The following NKD1 variants were observed in gnomAD, a reference collection of about 807,000 sequenced individuals.
The protein encoded by NKD1 is NKD inhibitor of Wnt signaling pathway 1.
Under a neutral mutation model 56.0 loss-of-function variants are expected in NKD1, and 21 were observed. That is an observed-to-expected ratio of 0.38 (90% CI 0.27 to 0.54). The LOEUF is 0.54. Among genes scored for constraint, NKD1 ranks in the 20% least tolerant of loss-of-function variants. NKD1 has a pLI of 0.82. For missense variants in NKD1, 578 were observed against 642.7 expected (o/e 0.90, Z 1.09); for synonymous variants, 263 against 265.7 (o/e 0.99, Z 0.10).
chr16:50,633,844 T>C lies in NKD1; in HGVS notation c.*63T>C. The C allele has an allele frequency of 2.8e-6, 2 of 708,088 alleles. No homozygotes were observed. The highest frequency in any genetic ancestry group is 4.5e-6 in the Non-Finnish European group (2 of 440,336). 43.9% of individuals were successfully genotyped at this position (708,088 alleles called of 1,614,324 possible). A position where few individuals can be genotyped will look rare whatever the true frequency, so the allele number is the denominator to read the frequency against. The stretch of plus-strand genomic sequence containing the variant: ...CCCCACCCCCGACACCACAAGGCAT[T>C]ATTATTCTATTAATTATTGTTATTA... On this transcript the variant is annotated 3_prime_UTR_variant, in exon 10 of 10. Coordinates refer to ENST00000268459, the MANE Select transcript of NKD1 (RefSeq NM_033119.5). This position sits in a 1 kb window ranked among gnomAD's most constrained non-coding sequence, Gnocchi z 4.9.
At chr16:50,588,888 G>A (rs1394858777) in intron 3 of NKD1, among the ~76,000 whole-genome samples, 1 of 152,114 alleles carries the variant, frequency 6.6e-6, no homozygotes, top group Non-Finnish European at 1.5e-5. Context: ...ACAGGCGTGA[G>A]CCACCATGCC....
rs373996497 is a variant in NKD1, at chr16:50,633,070, G to A, written c.824-122G>A. 1.1e-5 allele frequency: 9 copies of A among 851,826 alleles called. No individual in the cohort carries two copies. The highest frequency in any genetic ancestry group is 6.4e-4 in the Middle Eastern group (2 of 3,110). 52.8% of individuals were successfully genotyped at this position (851,826 alleles called of 1,614,324 possible). A position where few individuals can be genotyped will look rare whatever the true frequency, so the allele number is the denominator to read the frequency against. ...TTTTCCTGCAAGGCAGTGAGGGGCA[G>A]TCAGGGCATTGGGGGGTAGCTCTGG... On this transcript the variant is annotated intron_variant, in intron 9 of 9. Transcript: ENST00000268459. The surrounding 1 kb of genome is among the most constrained non-coding windows in gnomAD (Gnocchi z 4.9).
At chr16:50,604,654 G>A (rs1416623087) in intron 3 of NKD1, among the ~76,000 whole-genome samples, 1 of 152,238 alleles carries the variant, frequency 6.6e-6, no homozygotes, top group Non-Finnish European at 1.5e-5. Flanking sequence ...CCAAGGTGGT[G>A]CAGCATGTGT....
chr16:50,634,343 T>C lies in NKD1; in HGVS notation c.*562T>C, dbSNP rs571608513. On this transcript the variant is annotated 3_prime_UTR_variant, in exon 10 of 10. Coordinates refer to ENST00000268459, the MANE Select transcript of NKD1 (RefSeq NM_033119.5). ...TCCCAACCTAGAAACCTTAGCTGTC[T>C]TTTCTGGAGTTGTCTTTCATGCTTT... The C allele has an allele frequency of 6.5e-6, 1 of 152,898 alleles. No individual in the cohort carries two copies. The highest frequency in any genetic ancestry group is 2.1e-4 in the South Asian group (1 of 4,834). The allele number at this position is 152,898 out of a possible 1,614,324, so 9.5% of individuals were successfully genotyped here. A position where few individuals can be genotyped will look rare whatever the true frequency, so the allele number is the denominator to read the frequency against.
intron 3 of NKD1, among the ~76,000 whole-genome samples, chr16:50,581,720 T>TG (rs1192175021): frequency 2.2e-4 from 33 of 152,304 alleles, no homozygotes; most frequent in African/African-American, 7.9e-4. Flanking sequence ...TCCACAGAGC[T>TG]GGTGATTTAT....
Position 50,634,455 on chromosome 16 carries a change from T to TTC in NKD1, c.*682_*683dup, listed in dbSNP as rs1240000202. The stretch of plus-strand genomic sequence containing the variant: ...AATCCACTTCTCTTCCTTCTCCTTC[T>TTC]TCTCTCTCTACTTTACAGTGATACA... On this transcript the variant is annotated 3_prime_UTR_variant, in exon 10 of 10. Transcript: ENST00000268459. 6.6e-6 allele frequency: 1 copy of TTC among 152,366 alleles called. No individual in the cohort carries two copies. The highest frequency in any genetic ancestry group is 1.9e-4 in the East Asian group (1 of 5,332). 9.4% of individuals were successfully genotyped at this position (152,366 alleles called of 1,614,324 possible). A position where few individuals can be genotyped will look rare whatever the true frequency, so the allele number is the denominator to read the frequency against.
rs980997752 is a variant in NKD1 at position 50,639,526 on chromosome 16, A to T, written c.*5745A>T. On this transcript the variant is annotated 3_prime_UTR_variant, in exon 10 of 10. Coordinates refer to ENST00000268459, the MANE Select transcript of NKD1 (RefSeq NM_033119.5). The stretch of plus-strand genomic sequence containing the variant: ...TGTGCATTAACGTGGTAGGGGAGAC[A>T]GAGACAGCTCCACCTGCCCCCTGCC... The T allele has an allele frequency of 6.6e-6, 1 of 152,290 alleles. No homozygotes were observed. The highest frequency in any genetic ancestry group is 2.4e-5 in the African/African-American group (1 of 41,464). The allele number at this position is 152,290 out of a possible 1,614,324, so 9.4% of individuals were successfully genotyped here.
At chr16:50,594,656 T>G (rs749558666) in intron 3 of NKD1, among the ~76,000 whole-genome samples, 1 of 152,158 alleles carries the variant, frequency 6.6e-6, no homozygotes, top group Non-Finnish European at 1.5e-5. Flanking sequence ...ACAGGAGGTA[T>G]GGGCTTTCAT....
intron 3 of NKD1, among the ~76,000 whole-genome samples, chr16:50,601,406 C>T (rs187532316): frequency 6.6e-6 from 1 of 152,340 alleles, no homozygotes; most frequent in African/African-American, 2.4e-5. Context: ...GGTGGGCCTG[C>T]CCCAGGGTTC....
At chr16:50,612,594 G>A (rs1961870793) in intron 4 of NKD1, among the ~76,000 whole-genome samples, 1 of 152,224 alleles carries the variant, frequency 6.6e-6, no homozygotes, top group South Asian at 2.1e-4. Flanking sequence ...GTAAAACCCA[G>A]GGAGAGGTAG....
intron 3 of NKD1, among the ~76,000 whole-genome samples, chr16:50,600,122 G>A (rs1007125156): frequency 2.0e-5 from 3 of 152,048 alleles, no homozygotes; most frequent in South Asian, 2.1e-4. Context: ...CTGTCTTTCC[G>A]AAAGCATGGT....
rs1374139269 is a variant in NKD1, at chr16:50,621,628, G to C, written c.286G>C (p.Gly96Arg). ...EVALPPEKTD[G>R]LGSGDEKKME... is the part of the protein sequence containing the mutation. The stretch of plus-strand genomic sequence containing the variant: ...GGCCCTGCCTCCTGAGAAGACTGAC[G>C]GGCTGGGCAGCGGAGATGAGAAGAA... Residue 96 changes from glycine (G) to arginine (R), a missense_variant, in exon 5 of 10, where the codon GGG (glycine) becomes CGG (arginine). By Grantham distance (125) the Gly-to-Arg change is moderately radical. Transcript: ENST00000268459. The C allele has an allele frequency of 6.2e-7, 1 of 1,613,916 alleles. No individual in the cohort carries two copies. Among genetic ancestry groups the C allele is most frequent in the East Asian group, 2.2e-5 (1 of 44,882 alleles).
intron 4 of NKD1, among the ~76,000 whole-genome samples, 174 bp from the exon 5 acceptor site, chr16:50,621,428 G>C (rs1453408822): frequency 6.6e-6 from 1 of 152,226 alleles, no homozygotes; most frequent in African/African-American, 2.4e-5. Context: ...TTCCCAGGCA[G>C]TACCAGGTGC....
rs1166720096 is a variant in NKD1, at chr16:50,637,796, C to T, written c.*4015C>T. On this transcript the variant is annotated 3_prime_UTR_variant, in exon 10 of 10. Coordinates refer to ENST00000268459, the MANE Select transcript of NKD1 (RefSeq NM_033119.5). The stretch of plus-strand genomic sequence containing the variant: ...AGGAGCAGTTGCCACTGCCCCATCC[C>T]CTGAGCTCTGAGCGTGGGGGTTCCC... The T allele has an allele frequency of 6.6e-6, 1 of 152,212 alleles. No homozygotes were observed. The highest frequency in any genetic ancestry group is 1.5e-5 in the Non-Finnish European group (1 of 68,112). 9.4% of individuals were successfully genotyped at this position (152,212 alleles called of 1,614,324 possible). A position where few individuals can be genotyped will look rare whatever the true frequency, so the allele number is the denominator to read the frequency against.
intron 4 of NKD1, among the ~76,000 whole-genome samples, chr16:50,613,254 T>G (rs1313148180): frequency 6.6e-6 from 1 of 151,830 alleles, no homozygotes; most frequent in Non-Finnish European, 1.5e-5. Context: ...GATTGGAGCT[T>G]GGGGTTCAAG....
intron 3 of NKD1, among the ~76,000 whole-genome samples, chr16:50,589,694 T>TTTCTCTTCTCTTCTC (rs58760004): frequency 6.6e-5 from 8 of 120,672 alleles, no homozygotes; most frequent in African/African-American, 1.2e-4. Flanking sequence ...TTTCTTTTCT[T>TTTCTCTTCTCTTCTC]TTCTCTTCTC....
At chr16:50,607,151 C>A in intron 3 of NKD1, 1 of 371,666 alleles carries the variant, frequency 2.7e-6, no homozygotes, top group Non-Finnish European at 5.4e-6. Context: ...TGTGTAATGC[C>A]CTAGAAAGAT....
intron 3 of NKD1, among the ~76,000 whole-genome samples, chr16:50,585,558 G>A (rs1001752181): frequency 6.6e-6 from 1 of 152,228 alleles, no homozygotes; most frequent in Admixed American, 6.5e-5. Context: ...TGACTTCTGA[G>A]GCCGTGGAGC....
rs964241563 is a variant in NKD1, at chr16:50,623,793, C to T, written c.367-1692C>T. 5.4e-5 allele frequency among the ~76,000 whole-genome samples: 8 copies of T among 148,700 alleles called. No homozygotes were observed. The highest frequency in any genetic ancestry group is 1.5e-4 in the African/African-American group (6 of 39,978). On this transcript the variant is annotated intron_variant, in intron 5 of 9. Transcript: ENST00000268459. The surrounding 1 kb of genome is among the most constrained non-coding windows in gnomAD (Gnocchi z 4.1). ...CAGGTATGTGAGCGTAGGATGTGCA[C>T]GTATAGGGGTATACCTGTGTAGGTA...
Sources: allele counts gnomAD v4.1 joint callset (sites outside exome capture counted in the v4.1 genomes callset), GRCh38; gene constraint gnomAD v4.1.1; non-coding constraint Gnocchi (gnomAD v3.1); transcripts MANE v1.5; gene names NCBI Gene and HGNC (gene_info 2026-07-23, HGNC 2026-07-21).